MYO1D: variants seen among roughly 807,000 people sequenced by gnomAD.
MYO1D encodes myosin ID.
In MYO1D, 83 loss-of-function variants were observed where a neutral mutation model predicts 122.0. The observed-to-expected ratio is 0.68, with a 90% CI of 0.57 to 0.82. The LOEUF (loss-of-function observed/expected upper bound fraction) is 0.82, where lower values mean the gene tolerates loss of function less well. MYO1D is among the 40% of genes least tolerant of loss of function. MYO1D has a pLI of 0.00. For synonymous variants in MYO1D, 464 were observed against 446.9 expected (o/e 1.04, Z -0.48); for missense variants, 1,157 against 1,269.5 (o/e 0.91, Z 1.35).
intron 16 of MYO1D, among the ~76,000 whole-genome samples, chr17:32,701,623 C>A (rs890844907): frequency 6.6e-6 from 1 of 152,022 alleles, no homozygotes; most frequent in East Asian, 1.9e-4. Flanking sequence ...AGTTCGGTGG[C>A]GCAATCATGT....
At chr17:32,513,952 A>C (rs1040393349) in intron 21 of MYO1D, among the ~76,000 whole-genome samples, 7 of 151,946 alleles carry the variant, frequency 4.6e-5, no homozygotes, top group Non-Finnish European at 8.8e-5. Flanking sequence ...CTAATTAAAA[A>C]AATTTTTTTG....
intron 14 of MYO1D, among the ~76,000 whole-genome samples, chr17:32,727,078 A>T (rs2089585608): frequency 6.6e-6 from 1 of 152,262 alleles, no homozygotes; most frequent in African/African-American, 2.4e-5. Flanking sequence ...AAATACTTGC[A>T]ACACCAGTGG....
At chr17:32,736,288 C>G (rs1309655563) in intron 14 of MYO1D, among the ~76,000 whole-genome samples, 3 of 152,144 alleles carry the variant, frequency 2.0e-5, no homozygotes, top group African/African-American at 7.2e-5. Context: ...ATTCTTATTG[C>G]TAGCTGAGTG....
intron 20 of MYO1D, among the ~76,000 whole-genome samples, chr17:32,625,543 C>T (rs941379150): frequency 7.0e-6 from 1 of 143,864 alleles, no homozygotes; most frequent in African/African-American, 2.7e-5. Context: ...TATTTCTTTC[C>T]TCTTAAAACA....
In MYO1D at chr17:32,580,378, T is replaced by C. The variant is rs1374069518; in HGVS notation, c.2864+24709A>G. 1.9e-5 allele frequency among the ~76,000 whole-genome samples: 2 copies of C among 103,218 alleles called. 1 individual carries two copies. Among genetic ancestry groups the C allele is most frequent in the Admixed American group, 1.9e-4 (2 of 10,580 alleles). 67.7% of individuals were successfully genotyped at this position (103,218 alleles called of 152,430 possible). A position where few individuals can be genotyped will look rare whatever the true frequency, so the allele number is the denominator to read the frequency against. On this transcript the variant is annotated intron_variant, in intron 21 of 21. Coordinates refer to ENST00000318217, the MANE Select transcript of MYO1D (RefSeq NM_015194.3). ...GCTTTTTCTGCAACCACTGAGATTGTTTTTTTTTTTCAGTTTGTTTATCTG... is the reference window on the plus strand; with the variant it reads ...GCTTTTTCTGCAACCACTGAGATTGCTTTTTTTTTTCAGTTTGTTTATCTG...
chr17:32,571,335 C>A (rs1335958031), intron 21 of MYO1D, among the ~76,000 whole-genome samples: 1 of 152,152 alleles, frequency 6.6e-6, no homozygotes, highest in African/African-American at 2.4e-5. Context: ...GGCAACCCCG[C>A]CTCTGGCCCT....
intron 21 of MYO1D, among the ~76,000 whole-genome samples, chr17:32,557,734 T>C (rs1462953060): frequency 6.6e-6 from 1 of 152,042 alleles, no homozygotes; most frequent in Non-Finnish European, 1.5e-5. Context: ...GGAAAGATGG[T>C]AAATATTTCA....
intron 20 of MYO1D, among the ~76,000 whole-genome samples, chr17:32,615,664 A>G (rs777479772): frequency 6.6e-6 from 1 of 152,232 alleles, no homozygotes; most frequent in Non-Finnish European, 1.5e-5. Flanking sequence ...TCAAACCCAG[A>G]GTGGGATTGT....
intron 14 of MYO1D, among the ~76,000 whole-genome samples, chr17:32,733,178 G>A (rs1347504356): frequency 9.9e-5 from 15 of 152,220 alleles, no homozygotes; most frequent in Admixed American, 9.8e-4. Context: ...GCGAGGCTGA[G>A]TAGGTGGAAC....
intron 21 of MYO1D, among the ~76,000 whole-genome samples, chr17:32,580,403 G>A (rs1353347614): frequency 3.7e-5 from 4 of 108,812 alleles, no homozygotes; most frequent in Non-Finnish European, 5.4e-5. Flanking sequence ...TTGTTTATCT[G>A]GTGAATTTTT....
At chr17:32,669,890 TTTTTC>T (rs1010451310) in intron 16 of MYO1D, among the ~76,000 whole-genome samples, 1 of 150,698 alleles carries the variant, frequency 6.6e-6, no homozygotes, top group Non-Finnish European at 1.5e-5. Context: ...AGACATTTTC[TTTTTC>T]TTTTTTCTTT....
At chr17:32,660,516 G>A (rs1280610245) in intron 16 of MYO1D, among the ~76,000 whole-genome samples, 1 of 152,192 alleles carries the variant, frequency 6.6e-6, no homozygotes, top group Non-Finnish European at 1.5e-5. Flanking sequence ...AGTACACCAT[G>A]TGCTTGCAGT....
chr17:32,819,847 T>C (rs555269015), intron 1 of MYO1D, among the ~76,000 whole-genome samples: 3 of 152,378 alleles, frequency 2.0e-5, no homozygotes, highest in African/African-American at 7.2e-5. Context: ...AACTGAGGCA[T>C]AGTGAACTTT....
At chr17:32,742,594 C>T (rs1373674131) in intron 13 of MYO1D, among the ~76,000 whole-genome samples, 5 of 152,222 alleles carry the variant, frequency 3.3e-5, no homozygotes, top group African/African-American at 4.8e-5. Flanking sequence ...GAGCTTTTAA[C>T]ATTTTCTGCA....
chr17:32,750,471 C>A (rs150443201), intron 11 of MYO1D, among the ~76,000 whole-genome samples: 1 of 151,948 alleles, frequency 6.6e-6, no homozygotes, highest in South Asian at 2.1e-4. Flanking sequence ...AAAAATTAGC[C>A]GGGCGTGGTG....
rs531634501 is a variant in MYO1D at position 32,613,871 on chromosome 17, C to T, written c.2710-8630G>A. Among the ~76,000 whole-genome samples the T allele has an allele frequency of 5.9e-4, 88 of 148,456 alleles. 2 individuals carry two copies. The highest frequency in any genetic ancestry group is 2.0e-3 in the African/African-American group (79 of 40,372). Reference sequence around the variant, plus strand: ...TAATAGTTCACATTTATGTATTATCCGTGTGCTTGTCCAACCAGAATGATC... The same window carrying T: ...TAATAGTTCACATTTATGTATTATCTGTGTGCTTGTCCAACCAGAATGATC... On this transcript the variant is annotated intron_variant, in intron 20 of 21. Transcript: ENST00000318217.
intron 21 of MYO1D, among the ~76,000 whole-genome samples, chr17:32,514,155 T>C (rs936500175): frequency 7.0e-6 from 1 of 143,120 alleles, no homozygotes; most frequent in Non-Finnish European, 1.5e-5. Flanking sequence ...GGCAGGGAGC[T>C]GCTTAAATCC....
At chr17:32,502,675 G>T (rs1387702273) in intron 21 of MYO1D, among the ~76,000 whole-genome samples, 2 of 152,168 alleles carry the variant, frequency 1.3e-5, no homozygotes, top group East Asian at 3.8e-4. Flanking sequence ...ACTAATAAGA[G>T]ATTTCTTGTG....
intron 21 of MYO1D, among the ~76,000 whole-genome samples, chr17:32,580,631 G>A (rs1055752041): frequency 5.9e-5 from 9 of 151,776 alleles, no homozygotes; most frequent in Admixed American, 1.3e-4. Context: ...GGCTGGTCTC[G>A]AACTCCTGAC....
Sources: allele counts gnomAD v4.1 joint callset (sites outside exome capture counted in the v4.1 genomes callset), GRCh38; gene constraint gnomAD v4.1.1; transcripts MANE v1.5; gene names NCBI Gene and HGNC (gene_info 2026-07-23, HGNC 2026-07-21).